Variants in WWOX observed in about 807,000 individuals in gnomAD.
WWOX encodes the protein WW domain containing oxidoreductase.
A neutral mutation model predicts 46.2 loss-of-function variants in WWOX; 69 were observed. That is an observed-to-expected ratio of 1.49 (90% CI 1.23 to 1.82). The LOEUF (loss-of-function observed/expected upper bound fraction) is 1.82. Among genes scored for constraint, WWOX ranks in the 40% most tolerant of loss-of-function variants. The probability of loss-of-function intolerance (pLI) is 0.00; values close to 1 mark genes in which losing one functional copy is unlikely to be tolerated. For synonymous variants in WWOX, 359 were observed against 202.6 expected, an observed-to-expected ratio of 1.77 and a Z score of -6.56; for missense variants, 919 against 542.6, an observed-to-expected ratio of 1.69 and a Z score of -6.89.
intron 8 of WWOX, among the ~76,000 whole-genome samples, chr16:78,854,874 G>A (rs958472306): frequency 1.3e-4 from 20 of 150,392 alleles, no homozygotes; most frequent in Admixed American, 6.6e-5. Context: ...GAGCCACCGC[G>A]CCAGCTCTAT....
At chr16:78,815,968 G>T (rs1371500223) in intron 8 of WWOX, among the ~76,000 whole-genome samples, 1 of 152,168 alleles carries the variant, frequency 6.6e-6, no homozygotes, top group Non-Finnish European at 1.5e-5. Context: ...TCTCCTGGGT[G>T]ACCTTGTGTG....
chr16:78,820,233 C>T (rs1244752160), intron 8 of WWOX, among the ~76,000 whole-genome samples: 1 of 152,120 alleles, frequency 6.6e-6, no homozygotes, highest in Non-Finnish European at 1.5e-5. Flanking sequence ...GTCATGGACA[C>T]TGCTAAGTTT....
intron 5 of WWOX, among the ~76,000 whole-genome samples, chr16:78,374,155 C>G (rs1228488106): frequency 6.6e-6 from 1 of 152,198 alleles, no homozygotes; most frequent in South Asian, 2.1e-4. Flanking sequence ...TTTTTTCTCC[C>G]TGTTGCTCAT....
At chr16:78,996,902 G>A (rs549881270) in intron 8 of WWOX, among the ~76,000 whole-genome samples, 4 of 152,324 alleles carry the variant, frequency 2.6e-5, no homozygotes, top group Middle Eastern at 3.4e-3. Flanking sequence ...TCCCTGCTCC[G>A]GAGAAGAGCA....
chr16:78,608,560 G>A (rs2045820541), intron 8 of WWOX, among the ~76,000 whole-genome samples: 1 of 152,194 alleles, frequency 6.6e-6, no homozygotes, highest in East Asian at 1.9e-4. Context: ...GAAATGCCCA[G>A]AAAGAGTTAA....
intron 5 of WWOX, among the ~76,000 whole-genome samples, chr16:78,379,963 G>A (rs529640421): frequency 7.1e-4 from 108 of 152,282 alleles, no homozygotes; most frequent in African/African-American, 2.5e-3. Flanking sequence ...GATTGAATCT[G>A]GAAAACGCAT....
At chr16:78,578,284 A>ATATATATAT (rs1555567122) in intron 8 of WWOX, among the ~76,000 whole-genome samples, 13 of 20,844 alleles carry the variant, frequency 6.2e-4, no homozygotes, top group East Asian at 1.3e-3. Context: ...ATATATATAT[A>ATATATATAT]TTTTTTTTTT....
chr16:79,088,775 A>AT (rs2048899493), intron 8 of WWOX, among the ~76,000 whole-genome samples: 2 of 152,166 alleles, frequency 1.3e-5, no homozygotes, highest in Admixed American at 1.3e-4. Flanking sequence ...AGACTGCTTT[A>AT]GATATACTGC....
chr16:79,041,960 TG>T (rs1179463228), intron 8 of WWOX, among the ~76,000 whole-genome samples: 1 of 152,098 alleles, frequency 6.6e-6, no homozygotes, highest in Admixed American at 6.6e-5. Flanking sequence ...TGGAAATGAA[TG>T]GGAAGTTCAC....
intron 5 of WWOX, among the ~76,000 whole-genome samples, chr16:78,377,256 G>A (rs976270164): frequency 6.6e-6 from 1 of 152,142 alleles, no homozygotes; most frequent in South Asian, 2.1e-4. Context: ...TAAGATATAG[G>A]GCATGTTTAT....
intron 8 of WWOX, among the ~76,000 whole-genome samples, chr16:78,599,387 C>G (rs2045568331): frequency 6.6e-6 from 1 of 152,180 alleles, no homozygotes; most frequent in Admixed American, 6.5e-5. Context: ...GGGAAGGAAA[C>G]CAAAGGGCCT....
At chr16:79,099,994 A>G (rs1404441658) in intron 8 of WWOX, among the ~76,000 whole-genome samples, 1 of 152,214 alleles carries the variant, frequency 6.6e-6, no homozygotes, top group East Asian at 1.9e-4. Flanking sequence ...CACAGGCAGA[A>G]TTTCTTCTTC....
In WWOX at chr16:78,321,382, G is replaced by GTA. The variant is rs577417320; in HGVS notation, c.517-65469_517-65468dup. Among the ~76,000 whole-genome samples, 377 of 79,474 alleles carry GTA rather than the reference G, an allele frequency of 4.7e-3. 6 individuals carry two copies. The highest frequency in any genetic ancestry group is 0.025 in the African/African-American group (355 of 14,480). 52.1% of individuals were successfully genotyped at this position (79,474 alleles called of 152,430 possible). A position where few individuals can be genotyped will look rare whatever the true frequency, so the allele number is the denominator to read the frequency against. On this transcript the variant is annotated intron_variant, in intron 5 of 8. Coordinates refer to ENST00000566780, the MANE Select transcript of WWOX (RefSeq NM_016373.4). ...TGCGTATATATATACGTATATATGC[G>GTA]TATATATATACGTATATATACGTAT...
chr16:78,648,578 T>G (rs867742867), intron 8 of WWOX, among the ~76,000 whole-genome samples: 1 of 152,160 alleles, frequency 6.6e-6, no homozygotes, highest in Non-Finnish European at 1.5e-5. Flanking sequence ...TGCCCATTTT[T>G]GCTAAATTTT....
intron 8 of WWOX, among the ~76,000 whole-genome samples, chr16:78,493,364 G>T (rs1439161056): frequency 2.6e-5 from 4 of 152,164 alleles, no homozygotes; most frequent in East Asian, 3.9e-4. Flanking sequence ...AGATCGACAG[G>T]CTTACCCAGT....
chr16:78,749,922 G>A (rs190559664), intron 8 of WWOX, among the ~76,000 whole-genome samples: 466 of 152,284 alleles, frequency 3.1e-3, no homozygotes, highest in African/African-American at 0.01. Flanking sequence ...GAAGGTCAGA[G>A]AGTAGACTTT....
intron 8 of WWOX, among the ~76,000 whole-genome samples, chr16:79,130,528 C>T (rs996294554): frequency 6.6e-6 from 1 of 152,128 alleles, no homozygotes; most frequent in African/African-American, 2.4e-5. Context: ...GATCAGGACT[C>T]AAGGACTGTG....
intron 8 of WWOX, among the ~76,000 whole-genome samples, chr16:78,770,111 G>A (rs1401838777): frequency 6.6e-6 from 1 of 152,030 alleles, no homozygotes; most frequent in African/African-American, 2.4e-5. Flanking sequence ...CAGCACTTTG[G>A]GAATACGAGG....
chr16:79,034,995 T>G (rs1448322803), intron 8 of WWOX, among the ~76,000 whole-genome samples: 1 of 152,248 alleles, frequency 6.6e-6, no homozygotes, highest in Non-Finnish European at 1.5e-5. Context: ...TGTCCTCTAA[T>G]TCATTAATGG....
Sources: gnomAD v4.1 joint callset for allele counts (sites outside exome capture counted in the v4.1 genomes callset) on GRCh38, gnomAD v4.1.1 for gene constraint, MANE v1.5 for transcripts, NCBI Gene and HGNC (gene_info 2026-07-23, HGNC 2026-07-21) for gene names.